Variants in ADGRL3 observed in about 807,000 individuals in gnomAD.
The protein encoded by ADGRL3 is calcium-independent alpha-latrotoxin receptor 3.
In ADGRL3, 62 loss-of-function variants were observed where a neutral mutation model predicts 153.5. That is an observed-to-expected ratio of 0.40 (90% CI 0.33 to 0.50). The LOEUF is 0.50. ADGRL3 is among the 20% of genes least tolerant of loss of function. The pLI is 0.47. For missense variants in ADGRL3, 1,641 were observed against 1,859.4 expected, an observed-to-expected ratio of 0.88 and a Z score of 2.16; for synonymous variants, 710 against 672.5, an observed-to-expected ratio of 1.06 and a Z score of -0.86.
chr4:61,668,756 C>T (rs1228826284), intron 5 of ADGRL3, among the ~76,000 whole-genome samples: 3 of 152,214 alleles, frequency 2.0e-5, no homozygotes, highest in Admixed American at 6.5e-5. Flanking sequence ...CAGTGGCTCA[C>T]GCTTGTAATT....
chr4:61,321,935 A>T (rs1194317397), intron 1 of ADGRL3, among the ~76,000 whole-genome samples: 2 of 152,224 alleles, frequency 1.3e-5, no homozygotes, highest in South Asian at 2.1e-4. Context: ...ATAGTTTTTT[A>T]AAAAAATTTT....
intron 21 of ADGRL3, among the ~76,000 whole-genome samples, chr4:62,000,445 A>G (rs963266110): frequency 6.6e-6 from 1 of 152,002 alleles, no homozygotes; most frequent in African/African-American, 2.4e-5. Flanking sequence ...TGTTTAGAAA[A>G]ATAATTAAAC....
chr4:61,325,111 A>G (rs190234625), intron 1 of ADGRL3, among the ~76,000 whole-genome samples: 2 of 152,264 alleles, frequency 1.3e-5, no homozygotes, highest in Admixed American at 1.3e-4. Flanking sequence ...CAGGAGATCG[A>G]GACCATCCTG....
intron 2 of ADGRL3, among the ~76,000 whole-genome samples, chr4:61,403,532 T>C (rs1174197475): frequency 3.3e-5 from 5 of 152,100 alleles, no homozygotes; most frequent in African/African-American, 1.2e-4. Flanking sequence ...CCTTCTCCCA[T>C]ACCTTCCCTT....
chr4:61,939,854 T>A (rs2098872518), intron 15 of ADGRL3, among the ~76,000 whole-genome samples: 1 of 152,208 alleles, frequency 6.6e-6, no homozygotes, highest in African/African-American at 2.4e-5. Context: ...TGACAAAATA[T>A]TTTTAAGACT....
At chr4:61,568,852 A>T (rs1222208654) in intron 4 of ADGRL3, among the ~76,000 whole-genome samples, 1 of 151,856 alleles carries the variant, frequency 6.6e-6, no homozygotes, top group Admixed American at 6.6e-5. Context: ...CCTTCCCTCA[A>T]ATTTAATCTA....
intron 1 of ADGRL3, among the ~76,000 whole-genome samples, chr4:61,378,827 C>A (rs2096634802): frequency 6.6e-6 from 1 of 151,878 alleles, no homozygotes; most frequent in Non-Finnish European, 1.5e-5. Context: ...ATTTGCGAGG[C>A]AGATTTGAGA....
intron 11 of ADGRL3, among the ~76,000 whole-genome samples, chr4:61,896,833 G>T (rs534096648): frequency 1.2e-4 from 18 of 152,204 alleles, no homozygotes; most frequent in Admixed American, 4.6e-4. Flanking sequence ...TTACAATGTA[G>T]CTCAGACCCC....
At position 61,412,825 on chromosome 4, in the gene ADGRL3, C is replaced by A. The variant is rs141325064; in HGVS notation, c.-174+29636C>A. Among the ~76,000 whole-genome samples, 460 of 152,200 alleles carry A rather than the reference C, an allele frequency of 3.0e-3. 4 individuals are homozygous for A. Among genetic ancestry groups the A allele is most frequent in the African/African-American group, 0.01 (432 of 41,532 alleles). On this transcript the variant is annotated intron_variant, in intron 2 of 26. Transcript: ENST00000683033. The stretch of plus-strand genomic sequence containing the variant: ...TGGTGTTCTATCATTTGTTTTCATG[C>A]ATTTTTGTAATTGCTCATTGGGAAA...
intron 1 of ADGRL3, among the ~76,000 whole-genome samples, chr4:61,210,609 C>G (rs897974573): frequency 6.6e-6 from 1 of 152,148 alleles, no homozygotes; most frequent in Non-Finnish European, 1.5e-5. Flanking sequence ...GGAAATGGTT[C>G]TGACTGATGG....
At chr4:61,780,165 T>A (rs2097198273) in intron 8 of ADGRL3, among the ~76,000 whole-genome samples, 1 of 152,202 alleles carries the variant, frequency 6.6e-6, no homozygotes, top group South Asian at 2.1e-4. Flanking sequence ...GCACATCAGT[T>A]TGTTTTAGTA....
At chr4:61,613,096 C>A (rs2149710592) in intron 5 of ADGRL3, among the ~76,000 whole-genome samples, 2 of 152,132 alleles carry the variant, frequency 1.3e-5, no homozygotes, top group South Asian at 4.1e-4. Flanking sequence ...GTAATCATAT[C>A]TTGTGCCTTA....
intron 25 of ADGRL3, among the ~76,000 whole-genome samples, chr4:62,060,125 G>A (rs540050463): frequency 6.6e-6 from 1 of 152,032 alleles, no homozygotes; most frequent in Admixed American, 6.6e-5. Flanking sequence ...TGAGTCATCT[G>A]CTTCTTCCTT....
chr4:61,935,317 C>T (rs1398569080), intron 14 of ADGRL3, among the ~76,000 whole-genome samples: 2 of 152,086 alleles, frequency 1.3e-5, no homozygotes, highest in Non-Finnish European at 1.5e-5. Context: ...GTATGTATTA[C>T]ACTATTTAAA....
intron 8 of ADGRL3, among the ~76,000 whole-genome samples, chr4:61,810,162 T>G (rs779177630): frequency 3.3e-5 from 5 of 152,090 alleles, no homozygotes; most frequent in Non-Finnish European, 7.4e-5. Flanking sequence ...CTCTCAATAT[T>G]TTTAATGTCT....
chr4:61,851,909 A>G (rs972933344), intron 9 of ADGRL3, among the ~76,000 whole-genome samples: 3 of 152,224 alleles, frequency 2.0e-5, no homozygotes, highest in Non-Finnish European at 1.5e-5. Flanking sequence ...ACACACCTAG[A>G]GAAAACACTG....
chr4:61,876,964 C>T (rs536801006), intron 9 of ADGRL3, among the ~76,000 whole-genome samples: 1 of 148,838 alleles, frequency 6.7e-6, no homozygotes, highest in Admixed American at 6.7e-5. Flanking sequence ...TGAGAAGGGA[C>T]CTTTTAAGTA....
At position 61,476,504 on chromosome 4, in the gene ADGRL3, G is replaced by A. The variant is rs961469935; in HGVS notation, c.-173-20617G>A. Among the ~76,000 whole-genome samples the A allele has an allele frequency of 5.9e-5, 9 of 151,836 alleles. 1 individual carries two copies. Among genetic ancestry groups the A allele is most frequent in the East Asian group, 3.9e-4 (2 of 5,148 alleles). ...GTGGATCACCTGAAGTTGGGAGTTC[G>A]AGACCAGCCTGACCAACATGGAGAA... is the stretch of plus-strand genomic sequence containing the variant. On this transcript the variant is annotated intron_variant, in intron 2 of 26. Transcript: ENST00000683033.
At chr4:61,445,949 C>A (rs538659241) in intron 2 of ADGRL3, among the ~76,000 whole-genome samples, 1 of 152,260 alleles carries the variant, frequency 6.6e-6, no homozygotes, top group Admixed American at 6.5e-5. Flanking sequence ...TAGCAGTGTG[C>A]CATAGTTGCC....
Sources: gnomAD v4.1 joint callset for allele counts (sites outside exome capture counted in the v4.1 genomes callset) on GRCh38, gnomAD v4.1.1 for gene constraint, MANE v1.5 for transcripts, NCBI Gene and HGNC (gene_info 2026-07-23, HGNC 2026-07-21) for gene names.